SOX6: variants seen among roughly 807,000 people sequenced by gnomAD.
SOX6 encodes the protein transcription factor SOX-6.
A neutral mutation model predicts 97.8 loss-of-function variants in SOX6; 11 were observed. That is an observed-to-expected ratio of 0.11 (90% CI 0.07 to 0.19). SOX6 has a LOEUF of 0.19. Ranked by LOEUF, SOX6 falls within the 10% of genes least tolerant of loss-of-function variation. The probability of loss-of-function intolerance (pLI) is 1.00; values close to 1 mark genes in which losing one functional copy is unlikely to be tolerated. For missense variants in SOX6, 810 were observed against 1,039.5 expected (o/e 0.78, Z 3.04); for synonymous variants, 360 against 371.4 (o/e 0.97, Z 0.35).
chr11:16,226,305 C>T (rs1270043654), intron 4 of SOX6, among the ~76,000 whole-genome samples: 1 of 149,754 alleles, frequency 6.7e-6, no homozygotes, highest in Admixed American at 6.7e-5. Context: ...TGGTTGCTAT[C>T]ACATAATTGT....
At chr11:16,603,718 T>C (rs1035910770) in intron 4 of SOX6, among the ~76,000 whole-genome samples, 3 of 152,200 alleles carry the variant, frequency 2.0e-5, no homozygotes, top group Non-Finnish European at 4.4e-5. Flanking sequence ...CTGCATCTCC[T>C]TTCCCCATTC....
chr11:16,465,233 C>T (rs1170140356), intron 1 of SOX6, among the ~76,000 whole-genome samples: 1 of 152,166 alleles, frequency 6.6e-6, no homozygotes, highest in East Asian at 1.9e-4. Context: ...CCTGTGACTA[C>T]AATTCCAGGG....
intron 4 of SOX6, among the ~76,000 whole-genome samples, chr11:16,498,884 A>C (rs1860654905): frequency 6.6e-6 from 1 of 152,210 alleles, no homozygotes; most frequent in African/African-American, 2.4e-5. Flanking sequence ...CCCACTGTCA[A>C]CATTAGACAG....
intron 8 of SOX6, among the ~76,000 whole-genome samples, chr11:16,096,829 C>G (rs1418361839): frequency 6.6e-6 from 1 of 151,834 alleles, no homozygotes; most frequent in East Asian, 1.9e-4. Flanking sequence ...ATCTTATATT[C>G]TCTAAATATC....
At chr11:16,255,720 T>C (rs539963536) in intron 3 of SOX6, among the ~76,000 whole-genome samples, 1 of 149,190 alleles carries the variant, frequency 6.7e-6, no homozygotes, top group East Asian at 2.0e-4. Flanking sequence ...AAAGAAATAA[T>C]GAAAACTAGA....
At chr11:16,067,390 T>G (rs1231841576) in intron 9 of SOX6, among the ~76,000 whole-genome samples, 6 of 152,140 alleles carry the variant, frequency 3.9e-5, no homozygotes, top group Non-Finnish European at 7.3e-5. Flanking sequence ...GTTCTCATGA[T>G]AGTGAATAAG....
At chr11:16,340,306 C>G (rs1856589291) in intron 2 of SOX6, among the ~76,000 whole-genome samples, 1 of 150,806 alleles carries the variant, frequency 6.6e-6, no homozygotes, top group African/African-American at 2.4e-5. Flanking sequence ...TTAATCTCTT[C>G]TAGATGCTAA....
At chr11:16,338,714 T>C (rs1041118756) in intron 2 of SOX6, among the ~76,000 whole-genome samples, 1 of 152,052 alleles carries the variant, frequency 6.6e-6, no homozygotes, top group African/African-American at 2.4e-5. Context: ...AAGTGAAAGT[T>C]TGAAAACATG....
chr11:16,529,008 T>C (rs916513792), intron 4 of SOX6, among the ~76,000 whole-genome samples: 1 of 152,078 alleles, frequency 6.6e-6, no homozygotes, highest in Non-Finnish European at 1.5e-5. Context: ...CCATCCCTGA[T>C]GCACCTGGAC....
chr11:16,008,515 T>C (rs772449043), intron 13 of SOX6, among the ~76,000 whole-genome samples: 3 of 152,174 alleles, frequency 2.0e-5, no homozygotes, highest in Non-Finnish European at 4.4e-5. Flanking sequence ...TGATTGGGCT[T>C]TCTATCTTAA....
chr11:16,329,339 T>G (rs1301678083), intron 2 of SOX6, among the ~76,000 whole-genome samples: 1 of 152,120 alleles, frequency 6.6e-6, no homozygotes, highest in African/African-American at 2.4e-5. Flanking sequence ...CCCAAACCTG[T>G]CAAGACAGGG....
rs569250835 is a variant in SOX6 at position 16,343,443 on chromosome 11, T to C, written c.-4-2191A>G. Among the ~76,000 whole-genome samples the C allele has an allele frequency of 2.0e-5, 3 of 152,002 alleles. No individual in the cohort carries two copies. In the South Asian group the frequency reaches 6.2e-4, roughly 31 times the overall value. On this transcript the variant is annotated intron_variant, in intron 1 of 15. Coordinates refer to ENST00000683767, the MANE Select transcript of SOX6 (RefSeq NM_001367873.1). ...TTGTTGCTTCAGTTTAAATTAATCATGACAAAACTCAAAATGAAAACAGTC... is the reference window on the plus strand; with the variant it reads ...TTGTTGCTTCAGTTTAAATTAATCACGACAAAACTCAAAATGAAAACAGTC...
chr11:16,686,787 G>A (rs949405096), intron 3 of SOX6, among the ~76,000 whole-genome samples: 1 of 152,142 alleles, frequency 6.6e-6, no homozygotes, highest in African/African-American at 2.4e-5. Flanking sequence ...TTCTGTGTTA[G>A]GCTATTCTTG....
At chr11:16,631,318 A>G (rs1848703884) in intron 3 of SOX6, among the ~76,000 whole-genome samples, 1 of 152,080 alleles carries the variant, frequency 6.6e-6, no homozygotes, top group Admixed American at 6.6e-5. Context: ...TCTGGAAAAT[A>G]TTTTTTATTT....
chr11:16,451,983 A>AAAAT (rs58495641), intron 1 of SOX6, among the ~76,000 whole-genome samples: 6,713 of 143,876 alleles, frequency 0.047, 200 homozygotes, highest in African/African-American at 0.077. Context: ...ACCCTATCTA[A>AAAAT]AAATAAATAA....
intron 4 of SOX6, among the ~76,000 whole-genome samples, chr11:16,495,522 A>G (rs1164076499): frequency 6.6e-6 from 1 of 152,096 alleles, no homozygotes; most frequent in African/African-American, 2.4e-5. Context: ...GGACAAGCTT[A>G]CCCAATCTAC....
chr11:16,073,394 C>A, intron 9 of SOX6, among the ~76,000 whole-genome samples: 1 of 152,136 alleles, frequency 6.6e-6, no homozygotes, highest in African/African-American at 2.4e-5. Context: ...AATAAGAAGA[C>A]CTAACTATCC....
At position 16,068,685 on chromosome 11, in the gene SOX6, T is replaced by C. The variant is rs180985401; in HGVS notation, c.1102-12784A>G. Reference sequence around the variant, plus strand: ...TTGCCCCTCCTGCATATTTTTCTATTGCACCATTTTTTCCTTTCTTATTAA... The same window carrying C: ...TTGCCCCTCCTGCATATTTTTCTATCGCACCATTTTTTCCTTTCTTATTAA... On this transcript the variant is annotated intron_variant, in intron 9 of 15. Coordinates refer to ENST00000683767, the MANE Select transcript of SOX6 (RefSeq NM_001367873.1). 3.4e-4 allele frequency among the ~76,000 whole-genome samples: 52 copies of C among 152,294 alleles called. No homozygotes were observed. The East Asian group carries it at 8.9e-3, about 26-fold the overall frequency.
chr11:16,469,987 G>T (rs1860110259), intron 1 of SOX6, among the ~76,000 whole-genome samples: 1 of 151,988 alleles, frequency 6.6e-6, no homozygotes, highest in South Asian at 2.1e-4. Flanking sequence ...AATGTAATGG[G>T]TATACACATT....
Sources: gnomAD v4.1 joint callset for allele counts (sites outside exome capture counted in the v4.1 genomes callset) on GRCh38, gnomAD v4.1.1 for gene constraint, MANE v1.5 for transcripts, NCBI Gene and HGNC (gene_info 2026-07-23, HGNC 2026-07-21) for gene names.